MAML2: variants seen among roughly 807,000 people sequenced by gnomAD.
MAML2 encodes the protein mastermind like transcriptional coactivator 2, also known as mastermind-like protein 2.
In MAML2, 22 loss-of-function variants were observed where a neutral mutation model predicts 96.1. The ratio of observed to expected loss-of-function variants is 0.23; its 90% confidence interval spans 0.16 to 0.33. MAML2 has a LOEUF of 0.33. Ranked by LOEUF, MAML2 falls within the 10% of genes least tolerant of loss-of-function variation. The pLI, the probability that MAML2 is intolerant of heterozygous loss-of-function variation, is 1.00. For synonymous variants in MAML2, 561 were observed against 521.3 expected, an observed-to-expected ratio of 1.08 and a Z score of -1.04; for missense variants, 1,367 against 1,392.4, an observed-to-expected ratio of 0.98 and a Z score of 0.29.
chr11:96,214,646 TATAGTCATGCGAA>T (rs1862021376), intron 1 of MAML2, among the ~76,000 whole-genome samples: 1 of 152,182 alleles, frequency 6.6e-6, no homozygotes, highest in Non-Finnish European at 1.5e-5. Context: ...GAGAAGCACT[TATAGTCATGCGAA>T]ATACACCACA....
At chr11:96,177,467 A>G (rs1419339804) in intron 1 of MAML2, among the ~76,000 whole-genome samples, 1 of 152,220 alleles carries the variant, frequency 6.6e-6, no homozygotes, top group Non-Finnish European at 1.5e-5. Context: ...ATAGCATAGG[A>G]GTACTTGCAG....
intron 1 of MAML2, among the ~76,000 whole-genome samples, chr11:96,297,748 A>G (rs1232443528): frequency 6.6e-6 from 1 of 152,174 alleles, no homozygotes; most frequent in Non-Finnish European, 1.5e-5. Context: ...ATTTTGTCAC[A>G]CTTGATTTAT....
At chr11:96,031,715 G>A (rs1858617712) in intron 2 of MAML2, among the ~76,000 whole-genome samples, 1 of 152,204 alleles carries the variant, frequency 6.6e-6, no homozygotes, top group South Asian at 2.1e-4. Flanking sequence ...GCCGGGCACA[G>A]TGGCTCATGC....
intron 4 of MAML2, among the ~76,000 whole-genome samples, chr11:95,981,313 T>C (rs576647090): frequency 2.6e-5 from 4 of 152,162 alleles, no homozygotes; most frequent in Non-Finnish European, 1.5e-5. Flanking sequence ...ACACAACAGA[T>C]AGTGACTAAT....
chr11:96,114,604 AT>A (rs1320091093), intron 1 of MAML2, among the ~76,000 whole-genome samples: 2 of 152,226 alleles, frequency 1.3e-5, no homozygotes, highest in Non-Finnish European at 2.9e-5. Context: ...AGCCCAAAAT[AT>A]TTTTGGAAAT....
intron 2 of MAML2, among the ~76,000 whole-genome samples, chr11:96,028,530 T>C (rs955128021): frequency 2.6e-5 from 4 of 152,232 alleles, no homozygotes; most frequent in Admixed American, 2.6e-4. Flanking sequence ...TTACACTCCA[T>C]GAAAGCCTAT....
rs1038180230 is a variant in MAML2, at chr11:96,343,091, C to G, written c.-1196G>C. 2 of 398,460 alleles carry G rather than the reference C, an allele frequency of 5.0e-6. No individual in the cohort carries two copies. The highest frequency in any genetic ancestry group is 2.1e-5 in the African/African-American group (1 of 48,620). 24.7% of individuals were successfully genotyped at this position (398,460 alleles called of 1,614,324 possible). ...AGCTTGTATTTTCCTTTCTCTTTCT[C>G]GTCTGTTGTTAGCCGCTTTGCTGAC... On this transcript the variant is annotated 5_prime_UTR_variant, in exon 1 of 5. Transcript: ENST00000524717.
intron 1 of MAML2, among the ~76,000 whole-genome samples, chr11:96,241,141 T>G (rs1041828661): frequency 6.6e-6 from 1 of 152,260 alleles, no homozygotes; most frequent in Admixed American, 6.5e-5. Context: ...TTATAGTATA[T>G]ATTTACAAAT....
chr11:95,983,473 A>T (rs1209106843), intron 4 of MAML2, among the ~76,000 whole-genome samples: 1 of 152,178 alleles, frequency 6.6e-6, no homozygotes, highest in Non-Finnish European at 1.5e-5. Flanking sequence ...AGGAGGAATA[A>T]GTCCTGGTGT....
chr11:96,163,813 A>G (rs527377761), intron 1 of MAML2, among the ~76,000 whole-genome samples: 1 of 152,122 alleles, frequency 6.6e-6, no homozygotes, highest in African/African-American at 2.4e-5. Context: ...GAAGCCCATT[A>G]AAGGATATTC....
intron 2 of MAML2, among the ~76,000 whole-genome samples, chr11:96,062,478 T>G (rs1247482647): frequency 6.6e-6 from 1 of 152,180 alleles, no homozygotes; most frequent in African/African-American, 2.4e-5. Flanking sequence ...GAAATACACA[T>G]GGTAATGATT....
rs186807507 is a variant in MAML2, at chr11:96,116,848, C to T, written c.514-23331G>A. Among the ~76,000 whole-genome samples the T allele has an allele frequency of 1.5e-4, 23 of 152,222 alleles. No individual in the cohort carries two copies. The East Asian group carries it at 3.5e-3, about 23-fold the overall frequency. ...TACTAAGTGCAAAGTACTATAGTAG[C>T]CTGTAAGAGAAACACACAGAAATAA... On this transcript the variant is annotated intron_variant, in intron 1 of 4. Coordinates refer to ENST00000524717, the MANE Select transcript of MAML2 (RefSeq NM_032427.4).
intron 1 of MAML2, among the ~76,000 whole-genome samples, chr11:96,129,743 C>G (rs914926687): frequency 6.6e-6 from 1 of 152,180 alleles, no homozygotes; most frequent in Non-Finnish European, 1.5e-5. Context: ...GAACACAGTA[C>G]TCAACAGGAA....
At chr11:96,278,245 G>C (rs183630089) in intron 1 of MAML2, among the ~76,000 whole-genome samples, 1 of 152,076 alleles carries the variant, frequency 6.6e-6, no homozygotes, top group African/African-American at 2.4e-5. Context: ...AAAAAGGAAC[G>C]CCACTTTATA....
At chr11:96,144,439 T>G (rs1177080027) in intron 1 of MAML2, among the ~76,000 whole-genome samples, 2 of 152,160 alleles carry the variant, frequency 1.3e-5, no homozygotes, top group Non-Finnish European at 2.9e-5. Flanking sequence ...ATAGAGTAAG[T>G]GGTAGAAGTG....
At chr11:96,035,208 G>C (rs1409749378) in intron 2 of MAML2, among the ~76,000 whole-genome samples, 1 of 152,216 alleles carries the variant, frequency 6.6e-6, no homozygotes, top group Non-Finnish European at 1.5e-5. Flanking sequence ...GTGTGAGATA[G>C]GTCAAGAGAG....
intron 1 of MAML2, among the ~76,000 whole-genome samples, chr11:96,094,498 A>C (rs1287848556): frequency 1.3e-5 from 2 of 152,232 alleles, no homozygotes; most frequent in African/African-American, 4.8e-5. Context: ...ATGGCTTACT[A>C]CATGCTGAAA....
intron 1 of MAML2, among the ~76,000 whole-genome samples, chr11:96,113,184 A>ACC (rs143155757): frequency 1.3e-5 from 2 of 148,258 alleles, no homozygotes; most frequent in Non-Finnish European, 3.0e-5. Flanking sequence ...AAAAAAAAAA[A>ACC]AAAAAACTTT....
chr11:96,106,246 A>G (rs1302363659), intron 1 of MAML2, among the ~76,000 whole-genome samples: 2 of 152,224 alleles, frequency 1.3e-5, no homozygotes, highest in African/African-American at 4.8e-5. Flanking sequence ...TTCTTTGAAG[A>G]GAAAAAAATA....
Sources: allele counts gnomAD v4.1 joint callset (sites outside exome capture counted in the v4.1 genomes callset), GRCh38; gene constraint gnomAD v4.1.1; transcripts MANE v1.5; gene names NCBI Gene and HGNC (gene_info 2026-07-23, HGNC 2026-07-21).